SPOCK3: variants seen among roughly 807,000 people sequenced by gnomAD.
SPOCK3 encodes the protein SPARC (osteonectin), cwcv and kazal like domains proteoglycan 3, also known as testican-3.
Under a neutral mutation model 56.6 loss-of-function variants are expected in SPOCK3, and 30 were observed. That is an observed-to-expected ratio of 0.53 (90% confidence interval 0.40 to 0.72). SPOCK3 has a LOEUF of 0.72. Ranked by LOEUF, SPOCK3 falls within the 30% of genes least tolerant of loss-of-function variation. The probability of loss-of-function intolerance (pLI) is 0.00; values close to 1 mark genes in which losing one functional copy is unlikely to be tolerated. For missense variants in SPOCK3, 527 were observed against 530.0 expected (o/e 0.99, Z 0.06); for synonymous variants, 196 against 183.3 (o/e 1.07, Z -0.56).
intron 2 of SPOCK3, among the ~76,000 whole-genome samples, chr4:167,094,697 T>C (rs1431453435): frequency 6.6e-6 from 1 of 152,128 alleles, no homozygotes; most frequent in Non-Finnish European, 1.5e-5. Context: ...AACTAGACAC[T>C]TTCCTTTTAA....
At chr4:166,816,358 C>G (rs1221088083) in intron 6 of SPOCK3, among the ~76,000 whole-genome samples, 1 of 151,968 alleles carries the variant, frequency 6.6e-6, no homozygotes, top group Non-Finnish European at 1.5e-5. Flanking sequence ...TTTATATATC[C>G]TAGGTAATTG....
At chr4:167,018,407 T>G (rs767880176) in intron 3 of SPOCK3, among the ~76,000 whole-genome samples, 30 of 152,098 alleles carry the variant, frequency 2.0e-4, no homozygotes, top group Non-Finnish European at 3.4e-4. Flanking sequence ...TTTGGAATTC[T>G]GGAGTGGGAT....
chr4:166,892,237 G>A (rs115202145), intron 5 of SPOCK3, among the ~76,000 whole-genome samples: 1,934 of 151,938 alleles, frequency 0.013, 41 homozygotes, highest in African/African-American at 0.044. Flanking sequence ...TTTCAAAGCT[G>A]TCTTTATGAT....
At position 166,976,383 on chromosome 4, in the gene SPOCK3, G is replaced by A. The variant is rs73861917; in HGVS notation, c.350+23966C>T. Among the ~76,000 whole-genome samples the A allele has an allele frequency of 4.9e-3, 745 of 152,116 alleles. 8 individuals carry two copies. Among genetic ancestry groups the A allele is most frequent in the African/African-American group, 0.017 (710 of 41,480 alleles). ...TGAATAACTGCAATTGATTTGCATG[G>A]CCCTATGCTTGCCTATTGCAACCCA... On this transcript the variant is annotated intron_variant, in intron 4 of 10. Transcript: ENST00000357545.
At chr4:167,018,142 T>C (rs1750826361) in intron 3 of SPOCK3, among the ~76,000 whole-genome samples, 1 of 152,146 alleles carries the variant, frequency 6.6e-6, no homozygotes, top group African/African-American at 2.4e-5. Context: ...TGATCTTGAT[T>C]AATAGAGTAC....
intron 2 of SPOCK3, chr4:167,119,920 GAAAGA>G: frequency 7.6e-7 from 1 of 1,307,760 alleles, no homozygotes; most frequent in Non-Finnish European, 1.0e-6. Flanking sequence ...AGGAAAGAAA[GAAAGA>G]AAAGAATAAA....
intron 3 of SPOCK3, among the ~76,000 whole-genome samples, chr4:167,056,682 A>ATCAGTGAT (rs1205900694): frequency 6.6e-6 from 1 of 152,216 alleles, no homozygotes; most frequent in Non-Finnish European, 1.5e-5. Context: ...AAGAAAGGGT[A>ATCAGTGAT]TCAGTGATGG....
At chr4:166,913,576 G>T (rs1051881727) in intron 4 of SPOCK3, among the ~76,000 whole-genome samples, 4 of 152,160 alleles carry the variant, frequency 2.6e-5, no homozygotes, top group Non-Finnish European at 5.9e-5. Context: ...ATGTCAGGAT[G>T]AGAATAGATA....
At chr4:166,773,765 C>A (rs1300255701) in intron 7 of SPOCK3, among the ~76,000 whole-genome samples, 1 of 152,128 alleles carries the variant, frequency 6.6e-6, no homozygotes, top group African/African-American at 2.4e-5. Flanking sequence ...ATCCACCTAC[C>A]TCATTTGAAC....
At chr4:167,135,627 A>G (rs1763048675) in intron 2 of SPOCK3, among the ~76,000 whole-genome samples, 1 of 151,362 alleles carries the variant, frequency 6.6e-6, no homozygotes, top group Non-Finnish European at 1.5e-5. Context: ...AACATATACA[A>G]TGTCTCACCA....
intron 2 of SPOCK3, among the ~76,000 whole-genome samples, chr4:167,187,266 T>C (rs1487531477): frequency 6.8e-6 from 1 of 146,786 alleles, no homozygotes; most frequent in Non-Finnish European, 1.5e-5. Context: ...ACTTTAGGGT[T>C]CCAGTTTTTT....
intron 2 of SPOCK3, among the ~76,000 whole-genome samples, chr4:167,198,986 A>G (rs1293703092): frequency 1.3e-5 from 2 of 152,132 alleles, no homozygotes; most frequent in East Asian, 3.9e-4. Context: ...ATATCCCATT[A>G]TTCATATTGC....
In SPOCK3 at chr4:167,175,124, T is replaced by G. The variant is rs541682769; in HGVS notation, c.189+58861A>C. The stretch of plus-strand genomic sequence containing the variant: ...CTTATGGGGACCTCATGGGAAAACA[T>G]GAGTGACTTATAGAACTTCTGATGC... On this transcript the variant is annotated intron_variant, in intron 2 of 10. Coordinates refer to ENST00000357545, the MANE Select transcript of SPOCK3 (RefSeq NM_001040159.2). Among the ~76,000 whole-genome samples the G allele has an allele frequency of 1.5e-3, 224 of 152,230 alleles. 2 individuals are homozygous for G. Among genetic ancestry groups the G allele is most frequent in the African/African-American group, 5.1e-3 (211 of 41,554 alleles).
intron 4 of SPOCK3, among the ~76,000 whole-genome samples, chr4:166,927,254 C>T (rs1474489956): frequency 2.0e-5 from 3 of 152,128 alleles, no homozygotes; most frequent in South Asian, 2.1e-4. Context: ...ATAATTCCCA[C>T]GTTTTGTGGG....
chr4:167,014,441 C>T (rs1342520497), intron 3 of SPOCK3, among the ~76,000 whole-genome samples: 1 of 151,876 alleles, frequency 6.6e-6, no homozygotes, highest in Non-Finnish European at 1.5e-5. Context: ...AGGCCTGGAG[C>T]TCAAGACTAG....
chr4:167,154,099 G>T (rs1001984505), intron 2 of SPOCK3, among the ~76,000 whole-genome samples: 1 of 152,008 alleles, frequency 6.6e-6, no homozygotes, highest in Non-Finnish European at 1.5e-5. Flanking sequence ...TAATAAAAAT[G>T]GGGTCCTTTA....
intron 5 of SPOCK3, among the ~76,000 whole-genome samples, chr4:166,896,325 C>A (rs1437781683): frequency 1.3e-5 from 2 of 152,098 alleles, no homozygotes; most frequent in Admixed American, 6.5e-5. Flanking sequence ...GCCCTGCCCC[C>A]ACCCATGGCT....
At chr4:166,922,102 G>T (rs960356548) in intron 4 of SPOCK3, among the ~76,000 whole-genome samples, 2 of 152,100 alleles carry the variant, frequency 1.3e-5, no homozygotes, top group Non-Finnish European at 2.9e-5. Flanking sequence ...AGGGGTCTAG[G>T]TGTTGCCCTC....
At chr4:167,082,421 G>C (rs1757790478) in intron 2 of SPOCK3, among the ~76,000 whole-genome samples, 1 of 151,990 alleles carries the variant, frequency 6.6e-6, no homozygotes, top group Non-Finnish European at 1.5e-5. Flanking sequence ...GGCCAAAACT[G>C]GCCATTGTCT....
Sources: gnomAD v4.1 joint callset for allele counts (sites outside exome capture counted in the v4.1 genomes callset) on GRCh38, gnomAD v4.1.1 for gene constraint, MANE v1.5 for transcripts, NCBI Gene and HGNC (gene_info 2026-07-23, HGNC 2026-07-21) for gene names.